Variants in PCDHGB2 observed in about 807,000 individuals in gnomAD.
The protein encoded by PCDHGB2 is protocadherin gamma-B2.
PCDHGB2 carries 55 observed loss-of-function variants against 59.3 expected under a neutral mutation model. The ratio of observed to expected loss-of-function variants is 0.93; its 90% CI spans 0.75 to 1.16. The LOEUF (loss-of-function observed/expected upper bound fraction) is 1.16, where lower values mean the gene tolerates loss of function less well. Ranked by LOEUF, PCDHGB2 falls within the 50% of genes most tolerant of loss-of-function variation. PCDHGB2 has a pLI of 0.00. For synonymous variants in PCDHGB2, 516 were observed against 512.0 expected (o/e 1.01, Z -0.11); for missense variants, 1,228 against 1,198.5 (o/e 1.02, Z -0.36).
chr5:141,469,226 A>G (rs998643671), intron 1 of PCDHGB2, among the ~76,000 whole-genome samples: 1 of 152,066 alleles, frequency 6.6e-6, no homozygotes, highest in Non-Finnish European at 1.5e-5. Context: ...TCAGTGAGCC[A>G]TGATCACCCC....
intron 1 of PCDHGB2, among the ~76,000 whole-genome samples, chr5:141,437,668 G>T (rs72790049): frequency 3.1e-4 from 47 of 151,868 alleles, no homozygotes; most frequent in Non-Finnish European, 6.0e-4. Context: ...TCGAAGAGAT[G>T]TTGATCAAAC....
chr5:141,360,200 T>A lies in PCDHGB2; in HGVS notation c.65T>A (p.Leu22Ter), dbSNP rs1252813775. The A allele has an allele frequency of 2.5e-6, 4 of 1,612,720 alleles. No individual in the cohort carries two copies. The Admixed American group carries it at 6.7e-5, about 27-fold the overall frequency. ...CTGCAGGTACTGTTGCCCTTCCTGTTGTCTTTGTTCCCCGGGGCTCTCCCA... is the reference window on the plus strand; with the variant it reads ...CTGCAGGTACTGTTGCCCTTCCTGTAGTCTTTGTTCCCCGGGGCTCTCCCA... Reference protein sequence around the residue: ...RWLQVLLPFLLSLFPGALPVQ... With the variant: ...RWLQVLLPFL Residue 22 changes from leucine (L) to a stop codon, truncating the protein, a stop_gained, in exon 1 of 4, where the codon TTG becomes TAG. Transcript: ENST00000522605. LOFTEE classifies it high-confidence loss of function.
Position 141,476,348 on chromosome 5 carries a change from G to C in PCDHGB2, c.2422-18459G>C, listed in dbSNP as rs764669470. Reference sequence around the variant, plus strand: ...GTCTGGAGCTAGCCGAAGATTCTTTGAGGTGAACCGGGAGACCGGAGAGAT... The same window carrying C: ...GTCTGGAGCTAGCCGAAGATTCTTTCAGGTGAACCGGGAGACCGGAGAGAT... On this transcript the variant is annotated intron_variant, in intron 1 of 3. Transcript: ENST00000522605. The surrounding 1 kb of genome is among the most constrained non-coding windows in gnomAD (Gnocchi z 7.6). 2 of 1,614,190 alleles carry C rather than the reference G, an allele frequency of 1.2e-6. No individual in the cohort carries two copies. The highest frequency in any genetic ancestry group is 2.2e-5 in the South Asian group (2 of 91,078).
chr5:141,478,323 G>A, intron 1 of PCDHGB2: 2 of 1,613,958 alleles, frequency 1.2e-6, no homozygotes, highest in Non-Finnish European at 8.5e-7. Flanking sequence ...TCACTGTACC[G>A]AACACCAGGG....
intron 1 of PCDHGB2, among the ~76,000 whole-genome samples, chr5:141,488,236 T>A (rs1333427955): frequency 6.6e-6 from 1 of 152,154 alleles, no homozygotes; most frequent in Admixed American, 6.5e-5. Context: ...TTGAACTAGA[T>A]GCGGTAAATT....
chr5:141,478,435 G>A, intron 1 of PCDHGB2: 1 of 1,613,736 alleles, frequency 6.2e-7, no homozygotes, highest in Non-Finnish European at 8.5e-7. Context: ...ACCCGCTGCT[G>A]AAGAAACCTG....
chr5:141,472,853 G>A (rs1283601489), intron 1 of PCDHGB2, among the ~76,000 whole-genome samples: 1 of 151,738 alleles, frequency 6.6e-6, no homozygotes, highest in Non-Finnish European at 1.5e-5. Flanking sequence ...GGGCATGGTG[G>A]CACATGCCTG....
chr5:141,371,696 C>G lies in PCDHGB2; in HGVS notation c.2421+9140C>G, dbSNP rs746156642. 4.3e-6 allele frequency: 7 copies of G among 1,614,058 alleles called. 1 individual carries two copies. The South Asian group carries it at 7.7e-5, about 18-fold the overall frequency. On this transcript the variant is annotated intron_variant, in intron 1 of 3. Transcript: ENST00000522605. ...ACAAAGGCAATCCACCGCTCTCCTCCAGCAAGACCATCACTCTGCACATCC... is the reference window on the plus strand; with the variant it reads ...ACAAAGGCAATCCACCGCTCTCCTCGAGCAAGACCATCACTCTGCACATCC...
Position 141,428,007 on chromosome 5 carries a change from A to T in PCDHGB2, c.2421+65451A>T, listed in dbSNP as rs770851074. 9.4e-6 allele frequency: 15 copies of T among 1,602,018 alleles called. No individual in the cohort carries two copies. In the African/African-American group the frequency reaches 1.5e-4, roughly 16 times the overall value. ...GCCCGATGGCTCCGCACTCTTCGAT[A>T]TAGTGCCACGCGCCGCAGAGTCCGG... On this transcript the variant is annotated intron_variant, in intron 1 of 3. Coordinates refer to ENST00000522605, the MANE Select transcript of PCDHGB2 (RefSeq NM_018923.3).
At chr5:141,379,889 CTTTTTTTTTTTTTTTTTTT>C (rs70988800) in intron 1 of PCDHGB2, among the ~76,000 whole-genome samples, 3 of 50,830 alleles carry the variant, frequency 5.9e-5, no homozygotes, top group African/African-American at 1.3e-4. Flanking sequence ...GTGAAAGCCT[CTTTTTTTTTTTTTTTTTTT>C]TTTTTTTTTT....
intron 1 of PCDHGB2, among the ~76,000 whole-genome samples, chr5:141,382,187 A>G (rs527857463): frequency 6.6e-6 from 1 of 152,216 alleles, no homozygotes; most frequent in Non-Finnish European, 1.5e-5. Flanking sequence ...AAGGTTCTAT[A>G]CAATCAAAAA....
intron 1 of PCDHGB2, chr5:141,393,129 A>T (rs2150509668): frequency 1.2e-6 from 2 of 1,613,426 alleles, no homozygotes; most frequent in Non-Finnish European, 1.7e-6. Flanking sequence ...TCTGATAAAT[A>T]TTAACACCCT....
intron 1 of PCDHGB2, chr5:141,394,876 G>T: frequency 1.2e-6 from 2 of 1,613,866 alleles, no homozygotes; most frequent in Middle Eastern, 1.6e-4. Flanking sequence ...AACGATTCGA[G>T]CCTTACACTC....
intron 1 of PCDHGB2, chr5:141,364,269 A>G: frequency 6.6e-7 from 1 of 1,512,256 alleles, no homozygotes; most frequent in East Asian, 2.3e-5. Flanking sequence ...CATCGGCTTT[A>G]GATAAATAAG....
intron 1 of PCDHGB2, chr5:141,405,129 G>C: frequency 6.2e-7 from 1 of 1,613,964 alleles, no homozygotes. Flanking sequence ...CATCTGCTGC[G>C]GGCTACCAGT....
intron 1 of PCDHGB2, among the ~76,000 whole-genome samples, chr5:141,459,559 A>AC (rs920626314): frequency 6.6e-6 from 1 of 152,198 alleles, no homozygotes; most frequent in Non-Finnish European, 1.5e-5. Flanking sequence ...TTGGATAAAT[A>AC]CCCCAAAACA....
intron 1 of PCDHGB2, chr5:141,409,203 T>C: frequency 1.2e-6 from 2 of 1,613,964 alleles, no homozygotes; most frequent in Non-Finnish European, 1.7e-6. Flanking sequence ...TGTAAAGTAA[T>C]CATAGAAATC....
intron 1 of PCDHGB2, among the ~76,000 whole-genome samples, chr5:141,445,738 T>G (rs553879167): frequency 9.9e-5 from 15 of 152,122 alleles, no homozygotes; most frequent in Non-Finnish European, 1.9e-4. Context: ...AAAGATCTTT[T>G]TAAAAAATAA....
intron 1 of PCDHGB2, chr5:141,484,889 T>C (rs2099602721): frequency 2.8e-6 from 1 of 363,070 alleles, no homozygotes. Flanking sequence ...GTGGGCTTTT[T>C]CCCCTCCAAT....
Sources: gnomAD v4.1 joint callset for allele counts (sites outside exome capture counted in the v4.1 genomes callset) on GRCh38, gnomAD v4.1.1 for gene constraint, Gnocchi (gnomAD v3.1) non-coding constraint, MANE v1.5 for transcripts, NCBI Gene and HGNC (gene_info 2026-07-23, HGNC 2026-07-21) for gene names.